The following CNKSR2 variants were observed in gnomAD, a reference collection of about 807,000 sequenced individuals.
CNKSR2 encodes the protein connector enhancer of kinase suppressor of Ras 2, also known as CNK homolog protein 2.
CNKSR2 carries 14 observed loss-of-function variants against 84.4 expected under a neutral mutation model. The ratio of observed to expected loss-of-function variants is 0.17; its 90% CI spans 0.11 to 0.26. CNKSR2 has a LOEUF of 0.26. CNKSR2 is among the 10% of genes least tolerant of loss of function. The pLI, the probability that CNKSR2 is intolerant of heterozygous loss-of-function variation, is 1.00. For synonymous variants in CNKSR2, 275 were observed against 277.9 expected (o/e 0.99, Z 0.10); for missense variants, 485 against 771.2 (o/e 0.63, Z 4.40).
chrX:21,402,823 A>G (rs915490206), intron 1 of CNKSR2, among the ~76,000 whole-genome samples: 2 of 110,997 alleles, frequency 1.8e-5, no homozygotes, highest in African/African-American at 6.5e-5. Context: ...ACTTTACCAG[A>G]CATTAAAATA....
At chrX:21,526,287 T>A (rs1274284532) in intron 9 of CNKSR2, among the ~76,000 whole-genome samples, 1 of 111,512 alleles carries the variant, frequency 9.0e-6, no homozygotes, top group Non-Finnish European at 1.9e-5. Context: ...ACAGCTATGC[T>A]TATTTTGACA....
chrX:21,437,545 G>C lies in CNKSR2; in HGVS notation c.432-3149G>C, dbSNP rs376036301. 9.5e-5 allele frequency among the ~76,000 whole-genome samples: 10 copies of C among 105,377 alleles called. 1 individual carries two copies. In the East Asian group the frequency reaches 3.0e-3, roughly 32 times the overall value. The allele number at this position is 105,377 out of a possible 115,157, so 91.5% of individuals were successfully genotyped here. ...AGCGATTCTCCTGCCTCAGTCTCCT[G>C]AGTAGCTGGGATTACAGGCACCCGT... On this transcript the variant is annotated intron_variant, in intron 3 of 21. Coordinates refer to ENST00000379510, the MANE Select transcript of CNKSR2 (RefSeq NM_014927.5).
At chrX:21,639,996 GCTAA>G (rs2092686499) in intron 20 of CNKSR2, among the ~76,000 whole-genome samples, 1 of 111,525 alleles carries the variant, frequency 9.0e-6, no homozygotes, top group African/African-American at 3.3e-5. Flanking sequence ...CTTCTCTTAT[GCTAA>G]CTAACTGGTA....
intron 2 of CNKSR2, among the ~76,000 whole-genome samples, chrX:21,431,062 C>T (rs772301134): frequency 2.0e-4 from 22 of 111,690 alleles, no homozygotes; most frequent in East Asian, 2.8e-4. Context: ...ACTTTTATCA[C>T]GATTAAATCT....
In CNKSR2 at chrX:21,374,547, T is replaced by C. The variant is rs2089767594; in HGVS notation, c.-351T>C. On this transcript the variant is annotated 5_prime_UTR_variant, in exon 1 of 22. Transcript: ENST00000379510. ...GACGCGACCCCTCAGCAACTCAAGC[T>C]ATGAACTGAAGCTCCCTAGGGACGG... 4.3e-6 allele frequency: 2 copies of C among 460,478 alleles called. No homozygotes were observed. Among genetic ancestry groups the C allele is most frequent in the South Asian group, 5.3e-5 (2 of 37,515 alleles). The allele number at this position is 460,478 out of a possible 1,213,427, so 37.9% of individuals were successfully genotyped here.
chrX:21,542,515 A>G (rs61470001), intron 11 of CNKSR2, among the ~76,000 whole-genome samples: 3,347 of 111,916 alleles, frequency 0.03, 124 homozygotes, highest in African/African-American at 0.1. Context: ...GCATTAAATC[A>G]TTTTAACTAT....
chrX:21,601,173 T>C (rs965841290), intron 17 of CNKSR2, 109 bp from the exon 18 acceptor site: 2 of 447,676 alleles, frequency 4.5e-6, no homozygotes, highest in Admixed American at 8.7e-5. Context: ...ACATCTTATA[T>C]GTAGGATTAT....
intron 13 of CNKSR2, among the ~76,000 whole-genome samples, chrX:21,589,125 A>G (rs1199430596): frequency 1.8e-5 from 2 of 112,225 alleles, no homozygotes; most frequent in African/African-American, 3.2e-5. Context: ...GTGTGTGTGT[A>G]TGTGTGTACA....
intron 18 of CNKSR2, among the ~76,000 whole-genome samples, chrX:21,602,831 A>G (rs2092491556): frequency 8.9e-6 from 1 of 112,444 alleles, no homozygotes; most frequent in Non-Finnish European, 1.9e-5. Flanking sequence ...AAAAGTGTTT[A>G]TAGATTTTTT....
intron 3 of CNKSR2, among the ~76,000 whole-genome samples, chrX:21,433,490 C>T (rs1369870909): frequency 9.0e-6 from 1 of 111,255 alleles, no homozygotes; most frequent in African/African-American, 3.3e-5. Flanking sequence ...AACAAATTCT[C>T]TACTTTCAGT....
intron 20 of CNKSR2, among the ~76,000 whole-genome samples, chrX:21,648,123 G>A (rs747395329): frequency 2.7e-5 from 3 of 111,306 alleles, no homozygotes; most frequent in African/African-American, 9.8e-5. Flanking sequence ...CTCTTAGCAC[G>A]TGCCATATTT....
chrX:21,535,794 A>G (rs2091922738), intron 11 of CNKSR2, among the ~76,000 whole-genome samples: 1 of 111,144 alleles, frequency 9.0e-6, no homozygotes, highest in African/African-American at 3.3e-5. Flanking sequence ...TCTATATATA[A>G]GAACATATTG....
intron 6 of CNKSR2, chrX:21,492,222 A>T (rs901517418): frequency 1.8e-5 from 2 of 111,638 alleles, no homozygotes; most frequent in African/African-American, 6.5e-5. Context: ...GGGCTTTATG[A>T]AATCTTGATT....
chrX:21,650,955 C>T (rs1230815247), intron 21 of CNKSR2, among the ~76,000 whole-genome samples: 1 of 111,709 alleles, frequency 9.0e-6, no homozygotes, highest in Non-Finnish European at 1.9e-5. Context: ...TATAGAGCCT[C>T]TCCACTTCCC....
intron 4 of CNKSR2, 126 bp downstream of exon 4, chrX:21,440,907 C>A: frequency 2.6e-6 from 1 of 388,495 alleles, no homozygotes; most frequent in Non-Finnish European, 4.4e-6. Context: ...ACAAACCATT[C>A]TAAAGAAATG....
intron 1 of CNKSR2, among the ~76,000 whole-genome samples, chrX:21,408,348 G>A (rs2090292756): frequency 9.0e-6 from 1 of 111,500 alleles, no homozygotes. Context: ...CTGTGTAGCA[G>A]GCAATGGTAG....
At chrX:21,492,719 T>C (rs2091454511) in intron 6 of CNKSR2, 1 of 111,848 alleles carries the variant, frequency 8.9e-6, no homozygotes, top group Admixed American at 9.5e-5. Context: ...AAATGTTGAA[T>C]ATTAATAGAA....
intron 13 of CNKSR2, among the ~76,000 whole-genome samples, chrX:21,576,877 A>T (rs919684696): frequency 7.2e-5 from 8 of 111,583 alleles, no homozygotes; most frequent in African/African-American, 2.3e-4. Context: ...ATACAGAAAT[A>T]CTTTAAAACA....
intron 3 of CNKSR2, among the ~76,000 whole-genome samples, chrX:21,436,456 G>A (rs2090706612): frequency 9.0e-6 from 1 of 111,464 alleles, no homozygotes; most frequent in African/African-American, 3.2e-5. Context: ...AGAAATATAA[G>A]CATCGTATTA....
Sources: gnomAD v4.1 joint callset for allele counts (sites outside exome capture counted in the v4.1 genomes callset) on GRCh38, gnomAD v4.1.1 for gene constraint, MANE v1.5 for transcripts, NCBI Gene and HGNC (gene_info 2026-07-23, HGNC 2026-07-21) for gene names.